The following OR14J1 variants were observed in gnomAD, a reference collection of about 807,000 sequenced individuals.
The protein encoded by OR14J1 is olfactory receptor 14J1.
For synonymous variants in OR14J1, 140 were observed against 146.7 expected, an observed-to-expected ratio of 0.95 and a Z score of 0.33; for missense variants, 378 against 393.4, an observed-to-expected ratio of 0.96 and a Z score of 0.33.
chr6:29,307,545 G>C lies in OR14J1; in HGVS notation c.856G>C (p.Val286Leu). The change falls in exon 2 of 2, where the codon GTC becomes CTC. Residue 286 changes from valine (V) to leucine (L), a missense_variant. Transcript: ENST00000641895. ...YTVIPPTLNP[V>L]IYSLRNDSMK... ...TGTGATACCTCCAACACTCAATCCA[G>C]TCATTTATAGCTTACGGAATGATTC... 3 of 1,612,840 alleles carry C rather than the reference G, an allele frequency of 1.9e-6. No individual in the cohort carries two copies. Among genetic ancestry groups the C allele is most frequent in the Non-Finnish European group, 2.5e-6 (3 of 1,179,964 alleles).
intron 1 of OR14J1, among the ~76,000 whole-genome samples, chr6:29,305,566 A>C (rs981796049): frequency 1.3e-5 from 2 of 152,186 alleles, no homozygotes; most frequent in East Asian, 1.9e-4. Context: ...CAACAAATGC[A>C]CAGATTTAAA....
At position 29,311,718 on chromosome 6, in the gene OR14J1, C is replaced by T. The variant is rs1294770503; in HGVS notation, c.*4063C>T. Reference sequence around the variant, plus strand: ...TCCTTTTTGTACTTGCGGTAGAATTCGTCTGTGAATCTGTCTGGTTCTGGG... The same window carrying T: ...TCCTTTTTGTACTTGCGGTAGAATTTGTCTGTGAATCTGTCTGGTTCTGGG... On this transcript the variant is annotated 3_prime_UTR_variant, in exon 2 of 2. Coordinates refer to ENST00000641895, the MANE Select transcript of OR14J1 (RefSeq NM_030946.2). 6 of 152,076 alleles carry T rather than the reference C, an allele frequency of 3.9e-5. No individual in the cohort carries two copies. The East Asian group carries it at 5.8e-4, about 15-fold the overall frequency. 9.4% of individuals were successfully genotyped at this position (152,076 alleles called of 1,614,324 possible).
rs756429642 is a variant in OR14J1, at chr6:29,308,590, T to C, written c.*935T>C. On this transcript the variant is annotated 3_prime_UTR_variant, in exon 2 of 2. Transcript: ENST00000641895. ...AATGAAGAGTTCCAACTTATGAATGTGTGAGATAAGGAGGCACAAATCTTG... is the reference window on the plus strand; with the variant it reads ...AATGAAGAGTTCCAACTTATGAATGCGTGAGATAAGGAGGCACAAATCTTG... 2 of 152,168 alleles carry C rather than the reference T, an allele frequency of 1.3e-5. No individual in the cohort carries two copies. Among genetic ancestry groups the C allele is most frequent in the Non-Finnish European group, 2.9e-5 (2 of 68,028 alleles). The allele number at this position is 152,168 out of a possible 1,614,324, so 9.4% of individuals were successfully genotyped here. A position where few individuals can be genotyped will look rare whatever the true frequency, so the allele number is the denominator to read the frequency against.
At chr6:29,304,533 A>T (rs1481090675) in intron 1 of OR14J1, among the ~76,000 whole-genome samples, 3 of 152,224 alleles carry the variant, frequency 2.0e-5, no homozygotes, top group Non-Finnish European at 4.4e-5. Context: ...TCGCAGTATC[A>T]TCCTTAATCC....
rs999241934 is a variant in OR14J1 at position 29,311,546 on chromosome 6, A to T, written c.*3891A>T. On this transcript the variant is annotated 3_prime_UTR_variant, in exon 2 of 2. Coordinates refer to ENST00000641895, the MANE Select transcript of OR14J1 (RefSeq NM_030946.2). ...ATTGAGGATTTTCACATCAATGTTC[A>T]TCAGGGATATTGGCCTGAAATTTTC... is the stretch of plus-strand genomic sequence containing the variant. 7 of 152,220 alleles carry T rather than the reference A, an allele frequency of 4.6e-5. No homozygotes were observed. Among genetic ancestry groups the T allele is most frequent in the Admixed American group, 1.3e-4 (2 of 15,278 alleles). 9.4% of individuals were successfully genotyped at this position (152,220 alleles called of 1,614,324 possible). A position where few individuals can be genotyped will look rare whatever the true frequency, so the allele number is the denominator to read the frequency against.
At chr6:29,301,844 C>T (rs1774717440) in intron 1 of OR14J1, 57 bp downstream of exon 1, 1 of 152,116 alleles carries the variant, frequency 6.6e-6, no homozygotes, top group Non-Finnish European at 1.5e-5. Flanking sequence ...GTAGCACCTG[C>T]TTAGTGCCAG....
rs988196559 is a variant in OR14J1 at position 29,309,180 on chromosome 6, A to C, written c.*1525A>C. ...AGAATGATGGTTTCCAGCTTCATCC[A>C]TGTCCCTGCAAAGGACATGAAATCA... is the stretch of plus-strand genomic sequence containing the variant. On this transcript the variant is annotated 3_prime_UTR_variant, in exon 2 of 2. Transcript: ENST00000641895. 6 of 152,218 alleles carry C rather than the reference A, an allele frequency of 3.9e-5. No individual in the cohort carries two copies. The highest frequency in any genetic ancestry group is 5.9e-5 in the Non-Finnish European group (4 of 68,054). 9.4% of individuals were successfully genotyped at this position (152,218 alleles called of 1,614,324 possible).
Position 29,307,546 on chromosome 6 carries a change from T to G in OR14J1, c.857T>G (p.Val286Gly), listed in dbSNP as rs959944025. The change falls in exon 2 of 2, where the codon GTC becomes GGC. Residue 286 changes from valine to glycine, a missense_variant. Coordinates refer to ENST00000641895, the MANE Select transcript of OR14J1 (RefSeq NM_030946.2). ...GTGATACCTCCAACACTCAATCCAG[T>G]CATTTATAGCTTACGGAATGATTCC... ...YTVIPPTLNP[V>G]IYSLRNDSMK... 21 of 1,612,796 alleles carry G rather than the reference T, an allele frequency of 1.3e-5. No individual in the cohort carries two copies. Among genetic ancestry groups the G allele is most frequent in the Non-Finnish European group, 1.7e-5 (20 of 1,179,976 alleles).
Position 29,311,009 on chromosome 6 carries a change from G to C in OR14J1, c.*3354G>C, listed in dbSNP as rs1288829449. On this transcript the variant is annotated 3_prime_UTR_variant, in exon 2 of 2. Transcript: ENST00000641895. ...TGCTTATAAGCTTAAGGAGATTTTG[G>C]GCTGAGACGATGGGGTTTTCTAAGT... The C allele has an allele frequency of 6.6e-6, 1 of 152,004 alleles. No individual in the cohort carries two copies. The allele number at this position is 152,004 out of a possible 1,614,324, so 9.4% of individuals were successfully genotyped here.
rs1314679677 is a variant in OR14J1 at position 29,310,345 on chromosome 6, C to G, written c.*2690C>G. On this transcript the variant is annotated 3_prime_UTR_variant, in exon 2 of 2. Transcript: ENST00000641895. ...TTTCTGCATATGGCTAGCCAGTTTT[C>G]TCAACAGCATTTATTAAATAGGGGA... is the stretch of plus-strand genomic sequence containing the variant. The G allele has an allele frequency of 2.0e-5, 3 of 152,188 alleles. No homozygotes were observed. The highest frequency in any genetic ancestry group is 4.4e-5 in the Non-Finnish European group (3 of 68,046). 9.4% of individuals were successfully genotyped at this position (152,188 alleles called of 1,614,324 possible). A position where few individuals can be genotyped will look rare whatever the true frequency, so the allele number is the denominator to read the frequency against.
intron 1 of OR14J1, among the ~76,000 whole-genome samples, chr6:29,306,420 A>G (rs1220983551): frequency 6.6e-6 from 1 of 152,194 alleles, no homozygotes; most frequent in Non-Finnish European, 1.5e-5. Context: ...CATTTCCATC[A>G]ATTTCTCCCT....
At position 29,307,314 on chromosome 6, in the gene OR14J1, T is replaced by C. The variant is rs1041003706; in HGVS notation, c.625T>C (p.Leu209=). The C allele has an allele frequency of 3.7e-6, 6 of 1,612,980 alleles. No homozygotes were observed. In the African/African-American group the frequency reaches 8.0e-5, roughly 22 times the overall value. The part of the protein sequence containing the change: ...AFTTSAAFIC[L]ISIVLSYIRI... Reference sequence around the variant, plus strand: ...CACAACGTCTGCAGCATTTATCTGTTTGATCTCCATTGTGCTCTCCTACAT... The same window carrying C: ...CACAACGTCTGCAGCATTTATCTGTCTGATCTCCATTGTGCTCTCCTACAT... Residue 209 remains leucine, a synonymous_variant, in exon 2 of 2, where the codon TTG becomes CTG. Transcript: ENST00000641895.
rs1775462956 is a variant in OR14J1 at position 29,310,941 on chromosome 6, G to A, written c.*3286G>A. 1 of 152,160 alleles carries A rather than the reference G, an allele frequency of 6.6e-6. No individual in the cohort carries two copies. The highest frequency in any genetic ancestry group is 2.1e-4 in the South Asian group (1 of 4,810). 9.4% of individuals were successfully genotyped at this position (152,160 alleles called of 1,614,324 possible). On this transcript the variant is annotated 3_prime_UTR_variant, in exon 2 of 2. Transcript: ENST00000641895. ...ATTATTGGTGTATAGGAATGCTTGTGGTTTTTGCACATTGATTTTGTATCC... is the reference window on the plus strand; with the variant it reads ...ATTATTGGTGTATAGGAATGCTTGTAGTTTTTGCACATTGATTTTGTATCC...
chr6:29,303,531 C>T (rs1443432063), intron 1 of OR14J1, among the ~76,000 whole-genome samples: 2 of 152,170 alleles, frequency 1.3e-5, no homozygotes, highest in African/African-American at 4.8e-5. Flanking sequence ...GAATGATTAA[C>T]ATGGTTCAAG....
chr6:29,306,824 C>A lies in OR14J1; in HGVS notation c.135C>A (p.Thr45=). 1 of 1,613,050 alleles carries A rather than the reference C, an allele frequency of 6.2e-7. No homozygotes were observed. Among genetic ancestry groups the A allele is most frequent in the South Asian group, 1.1e-5 (1 of 91,084 alleles). ...LALTGNLLII[T]IITVDRRLHS... is the part of the protein sequence containing the mutation. The stretch of plus-strand genomic sequence containing the variant: ...TGACAGGCAACCTCCTCATTATCAC[C>A]ATCATTACCGTGGACCGTCGTCTCC... The change falls in exon 2 of 2, where the codon ACC becomes ACA. Residue 45 remains threonine (T), a synonymous_variant. Coordinates refer to ENST00000641895, the MANE Select transcript of OR14J1 (RefSeq NM_030946.2).
chr6:29,303,929 T>G (rs1458024564), intron 1 of OR14J1, among the ~76,000 whole-genome samples: 1 of 152,020 alleles, frequency 6.6e-6, no homozygotes, highest in Non-Finnish European at 1.5e-5. Context: ...AGAGAGCAAG[T>G]GCATACTGTG....
In OR14J1 at chr6:29,311,477, A is replaced by T. The variant is rs2151200941; in HGVS notation, c.*3822A>T. The T allele has an allele frequency of 6.6e-6, 1 of 152,326 alleles. No individual in the cohort carries two copies. 9.4% of individuals were successfully genotyped at this position (152,326 alleles called of 1,614,324 possible). A position where few individuals can be genotyped will look rare whatever the true frequency, so the allele number is the denominator to read the frequency against. On this transcript the variant is annotated 3_prime_UTR_variant, in exon 2 of 2. Coordinates refer to ENST00000641895, the MANE Select transcript of OR14J1 (RefSeq NM_030946.2). Reference sequence around the variant, plus strand: ...AATGAAGCTGACTTGATCATGGTAGATGAGCTTTTTGATGTGCTGCTGGAT... The same window carrying T: ...AATGAAGCTGACTTGATCATGGTAGTTGAGCTTTTTGATGTGCTGCTGGAT...
At chr6:29,304,422 G>C (rs1223788249) in intron 1 of OR14J1, among the ~76,000 whole-genome samples, 3 of 152,090 alleles carry the variant, frequency 2.0e-5, no homozygotes, top group African/African-American at 7.2e-5. Context: ...GACATTGAAA[G>C]AATCATTATA....
At chr6:29,305,357 A>G (rs1367326300) in intron 1 of OR14J1, among the ~76,000 whole-genome samples, 1 of 152,226 alleles carries the variant, frequency 6.6e-6, no homozygotes, top group African/African-American at 2.4e-5. Context: ...AATCAGATGC[A>G]TTAACTCATG....
Sources: allele counts gnomAD v4.1 joint callset (sites outside exome capture counted in the v4.1 genomes callset), GRCh38; gene constraint gnomAD v4.1.1; transcripts MANE v1.5; gene names NCBI Gene and HGNC (gene_info 2026-07-23, HGNC 2026-07-21).